Variants in RNLS observed in about 807,000 individuals in gnomAD.
RNLS encodes the protein renalase, FAD dependent amine oxidase.
RNLS carries 39 observed loss-of-function variants against 39.8 expected under a neutral mutation model. The observed-to-expected ratio is 0.98, with a 90% CI of 0.76 to 1.28. The LOEUF (loss-of-function observed/expected upper bound fraction) is 1.28. Among genes scored for constraint, RNLS ranks in the 50% most tolerant of loss-of-function variants. The probability of loss-of-function intolerance (pLI) is 0.00; values close to 1 mark genes in which losing one functional copy is unlikely to be tolerated. For synonymous variants in RNLS, 147 were observed against 150.7 expected (o/e 0.98, Z 0.18); for missense variants, 410 against 413.3 (o/e 0.99, Z 0.07).
the RNLS span, among the ~76,000 whole-genome samples, chr10:88,227,779 C>T: frequency 6.6e-6 from 1 of 152,208 alleles, no homozygotes; most frequent in South Asian, 2.1e-4. Flanking sequence ...AGTCATCCTA[C>T]ATGGACAGCT....
intron 4 of RNLS, among the ~76,000 whole-genome samples, chr10:88,523,298 A>G (rs1241761508): frequency 6.6e-6 from 1 of 152,246 alleles, no homozygotes; most frequent in South Asian, 2.1e-4. Context: ...CCACTGTGCC[A>G]TTCAGAAAAT....
At chr10:88,409,369 C>A (rs1003936071) in intron 4 of RNLS, among the ~76,000 whole-genome samples, 1 of 152,128 alleles carries the variant, frequency 6.6e-6, no homozygotes. Context: ...AAAGCACATA[C>A]GCTAATATTA....
intron 4 of RNLS, among the ~76,000 whole-genome samples, chr10:88,381,743 T>C (rs1314627685): frequency 6.6e-6 from 1 of 152,076 alleles, no homozygotes; most frequent in Non-Finnish European, 1.5e-5. Context: ...AAAATATTTA[T>C]CAATGTTTTC....
chr10:88,367,609 G>T (rs1010833924), intron 4 of RNLS, among the ~76,000 whole-genome samples: 9 of 152,134 alleles, frequency 5.9e-5, no homozygotes, highest in Admixed American at 5.9e-4. Flanking sequence ...CTGCCAAATG[G>T]TTTTCTAAAG....
chr10:88,184,724 T>C, the RNLS span, among the ~76,000 whole-genome samples: 1 of 152,146 alleles, frequency 6.6e-6, no homozygotes, highest in Admixed American at 6.6e-5. Flanking sequence ...AAAATTATTG[T>C]TTATGAATGT....
At chr10:88,230,629 C>T in the RNLS span, among the ~76,000 whole-genome samples, 1 of 152,204 alleles carries the variant, frequency 6.6e-6, no homozygotes, top group Non-Finnish European at 1.5e-5. Flanking sequence ...AAATTCATTA[C>T]TCACACAAAT....
At chr10:88,492,018 G>A (rs533992237) in intron 4 of RNLS, among the ~76,000 whole-genome samples, 7 of 149,866 alleles carry the variant, frequency 4.7e-5, no homozygotes, top group South Asian at 2.1e-4. Context: ...AGGTTAGAAA[G>A]GTAAAAAGAA....
the RNLS span, among the ~76,000 whole-genome samples, chr10:88,231,561 C>T: frequency 6.6e-6 from 1 of 152,184 alleles, no homozygotes; most frequent in Admixed American, 6.5e-5. Context: ...ATAAATTTCT[C>T]AGCACAGTGC....
chr10:88,448,981 A>G (rs1842202536), intron 4 of RNLS, among the ~76,000 whole-genome samples: 1 of 152,140 alleles, frequency 6.6e-6, no homozygotes, highest in Non-Finnish European at 1.5e-5. Flanking sequence ...GGGGAACATC[A>G]CACACCGGGG....
chr10:88,583,031 G>A (rs749159920), intron 1 of RNLS, 42 bp downstream of exon 1: 2 of 1,595,294 alleles, frequency 1.3e-6, no homozygotes, highest in South Asian at 1.1e-5. Context: ...CAGCCTGCCC[G>A]GCAGTCCTCT....
At chr10:88,308,655 C>A (rs1176237168) in intron 6 of RNLS, among the ~76,000 whole-genome samples, 2 of 152,138 alleles carry the variant, frequency 1.3e-5, no homozygotes, top group Non-Finnish European at 2.9e-5. Context: ...AAAAGGAGTG[C>A]TTACACATTG....
chr10:88,354,728 G>A (rs147437945), intron 5 of RNLS, among the ~76,000 whole-genome samples: 2,554 of 152,264 alleles, frequency 0.017, 38 homozygotes, highest in East Asian at 0.062. Context: ...TCTTTGTGGC[G>A]TTCTCTCTAT....
chr10:88,213,242 C>G, the RNLS span, among the ~76,000 whole-genome samples: 2 of 152,084 alleles, frequency 1.3e-5, no homozygotes, highest in Admixed American at 1.3e-4. Flanking sequence ...GGATTTCTAC[C>G]AGGAATTGAA....
chr10:88,540,271 T>G (rs754806988), intron 4 of RNLS, among the ~76,000 whole-genome samples: 1 of 152,106 alleles, frequency 6.6e-6, no homozygotes, highest in Non-Finnish European at 1.5e-5. Context: ...AAAGTAAAAC[T>G]TTCTTAAAGT....
intron 4 of RNLS, among the ~76,000 whole-genome samples, chr10:88,558,109 G>A (rs755793687): frequency 5.3e-4 from 81 of 152,216 alleles, no homozygotes; most frequent in Admixed American, 1.4e-3. Context: ...ACAAAACTAT[G>A]AAAATATTTA....
intron 4 of RNLS, among the ~76,000 whole-genome samples, chr10:88,530,424 G>A (rs543261218): frequency 1.3e-5 from 2 of 152,076 alleles, no homozygotes; most frequent in South Asian, 4.2e-4. Context: ...GTGACTTTTA[G>A]TTAATTGACA....
At chr10:88,199,691 C>G in the RNLS span, among the ~76,000 whole-genome samples, 2 of 152,104 alleles carry the variant, frequency 1.3e-5, no homozygotes, top group Non-Finnish European at 2.9e-5. Context: ...TGGCCTTCAC[C>G]TCCCATATAG....
At chr10:88,424,279 C>T (rs932298311) in intron 4 of RNLS, among the ~76,000 whole-genome samples, 3 of 152,086 alleles carry the variant, frequency 2.0e-5, no homozygotes, top group Admixed American at 6.6e-5. Context: ...ATGGAGATAG[C>T]GGCTGAATGT....
the RNLS span, among the ~76,000 whole-genome samples, chr10:88,213,802 C>T: frequency 6.6e-6 from 1 of 152,130 alleles, no homozygotes; most frequent in Non-Finnish European, 1.5e-5. Context: ...TTTAACTGAT[C>T]CTAGACTTTT....
Sources: allele counts gnomAD v4.1 joint callset (sites outside exome capture counted in the v4.1 genomes callset), GRCh38; gene constraint gnomAD v4.1.1; transcripts MANE v1.5; gene names NCBI Gene and HGNC (gene_info 2026-07-23, HGNC 2026-07-21).